TAF2: variants seen among roughly 807,000 people sequenced by gnomAD.
TAF2 encodes transcription initiation factor TFIID subunit 2.
In TAF2, 61 loss-of-function variants were observed where a neutral mutation model predicts 138.5. That is an observed-to-expected ratio of 0.44 (90% CI 0.36 to 0.54). The LOEUF is 0.54. Among genes scored for constraint, TAF2 ranks in the 20% least tolerant of loss-of-function variants. TAF2 has a pLI of 0.00. For missense variants in TAF2, 1,090 were observed against 1,427.9 expected, an observed-to-expected ratio of 0.76 and a Z score of 3.81; for synonymous variants, 475 against 469.9, an observed-to-expected ratio of 1.01 and a Z score of -0.14.
intron 25 of TAF2, among the ~76,000 whole-genome samples, chr8:119,733,369 ATG>A (rs969773461): frequency 6.6e-5 from 10 of 152,106 alleles, no homozygotes; most frequent in African/African-American, 2.4e-4. Flanking sequence ...CTCTACACAG[ATG>A]AGAGTAGTGT....
intron 2 of TAF2, among the ~76,000 whole-genome samples, chr8:119,827,571 A>G (rs924431886): frequency 6.6e-6 from 1 of 152,122 alleles, no homozygotes; most frequent in African/African-American, 2.4e-5. Flanking sequence ...GGCATGATCA[A>G]TTGCTGAAGG....
intron 2 of TAF2, among the ~76,000 whole-genome samples, chr8:119,828,484 C>A (rs936756575): frequency 6.6e-5 from 10 of 152,148 alleles, no homozygotes; most frequent in African/African-American, 2.4e-4. Flanking sequence ...TCTCAGATCC[C>A]CCCTAACAGT....
intron 18 of TAF2, among the ~76,000 whole-genome samples, chr8:119,776,493 T>C (rs1822252502): frequency 6.7e-6 from 1 of 150,090 alleles, no homozygotes; most frequent in South Asian, 2.1e-4. Context: ...CCATCCTGGC[T>C]ACCACAGTGA....
rs904662021 is a variant in TAF2 at position 119,761,284 on chromosome 8, T to C, written c.2559-546A>G. The stretch of plus-strand genomic sequence containing the variant: ...TATAGTAACATGCTTTACAGCTTTA[T>C]AGCCTAAGAGCAACAGAGCAACAGG... On this transcript the variant is annotated intron_variant, in intron 19 of 25. Transcript: ENST00000378164. Among the ~76,000 whole-genome samples, 6 of 152,202 alleles carry C rather than the reference T, an allele frequency of 3.9e-5. No individual in the cohort carries two copies. The East Asian group carries it at 9.6e-4, about 24-fold the overall frequency.
intron 16 of TAF2, among the ~76,000 whole-genome samples, chr8:119,782,222 A>G (rs78406054): frequency 6.6e-6 from 1 of 152,302 alleles, no homozygotes; most frequent in Non-Finnish European, 1.5e-5. Context: ...ATACAGTGCT[A>G]CTATTTAAGG....
At chr8:119,784,638 A>G (rs973920346) in intron 15 of TAF2, among the ~76,000 whole-genome samples, 1 of 152,220 alleles carries the variant, frequency 6.6e-6, no homozygotes, top group Non-Finnish European at 1.5e-5. Flanking sequence ...GCAAAATTAG[A>G]AAGTTTGAGC....
chr8:119,743,824 G>A (rs1819764430), intron 24 of TAF2, among the ~76,000 whole-genome samples: 2 of 152,096 alleles, frequency 1.3e-5, no homozygotes, highest in South Asian at 4.1e-4. Context: ...TTAATATATT[G>A]ACTCTATGTT....
chr8:119,750,436 A>T (rs147570241), intron 22 of TAF2, among the ~76,000 whole-genome samples: 3 of 152,360 alleles, frequency 2.0e-5, no homozygotes, highest in African/African-American at 7.2e-5. Context: ...ACACTTCTGA[A>T]TAAACCCAGC....
intron 5 of TAF2, among the ~76,000 whole-genome samples, chr8:119,803,281 C>A (rs1466217495): frequency 6.6e-6 from 1 of 152,032 alleles, no homozygotes; most frequent in Non-Finnish European, 1.5e-5. Context: ...ACATTCTGTG[C>A]AATTTTCTGT....
At chr8:119,758,184 AT>A in intron 20 of TAF2, 42 bp from the exon 21 acceptor site, 1 of 1,490,940 alleles carries the variant, frequency 6.7e-7, no homozygotes, top group Non-Finnish European at 9.3e-7. Flanking sequence ...ATTATAACAA[AT>A]TAAATAATGA....
chr8:119,757,015 A>T (rs1270690634), intron 21 of TAF2, among the ~76,000 whole-genome samples: 1 of 152,214 alleles, frequency 6.6e-6, no homozygotes, highest in Non-Finnish European at 1.5e-5. Flanking sequence ...ATTCTTATGG[A>T]GGTCAGCAAA....
chr8:119,791,567 A>G (rs1823433437), intron 10 of TAF2, 108 bp from the exon 11 acceptor site: 1 of 1,294,122 alleles, frequency 7.7e-7, no homozygotes, highest in Admixed American at 2.2e-5. Context: ...AGGAGAATAT[A>G]TAAGCAATTT....
intron 3 of TAF2, among the ~76,000 whole-genome samples, chr8:119,811,698 C>T (rs113108069): frequency 4.1e-5 from 6 of 146,448 alleles, no homozygotes; most frequent in African/African-American, 1.5e-4. Context: ...CCCAGCTACT[C>T]GGGAGGCTGA....
At position 119,792,220 on chromosome 8, in the gene TAF2, C is replaced by T. The variant is rs1291449169; in HGVS notation, c.1278-761G>A. 2.0e-5 allele frequency among the ~76,000 whole-genome samples: 3 copies of T among 148,080 alleles called. No individual in the cohort carries two copies. In the Admixed American group the frequency reaches 2.0e-4, roughly 10 times the overall value. On this transcript the variant is annotated intron_variant, in intron 10 of 25. Transcript: ENST00000378164. ...CCAGGCTGGAGTGCAGTGGCACAAT[C>T]TTGGCTCACTGCAACCTCCACCTCC...
At chr8:119,783,124 CA>C (rs1822788692) in intron 16 of TAF2, among the ~76,000 whole-genome samples, 2 of 152,130 alleles carry the variant, frequency 1.3e-5, no homozygotes, top group Non-Finnish European at 2.9e-5. Flanking sequence ...GGCAATTCAA[CA>C]AAATGGTGAA....
At chr8:119,771,364 T>C (rs1045440501) in intron 18 of TAF2, among the ~76,000 whole-genome samples, 5 of 151,836 alleles carry the variant, frequency 3.3e-5, no homozygotes, top group African/African-American at 1.2e-4. Flanking sequence ...GCCTCCTGAG[T>C]AGCTGGGATT....
At chr8:119,786,803 T>G (rs562485095) in intron 14 of TAF2, among the ~76,000 whole-genome samples, 10 of 152,152 alleles carry the variant, frequency 6.6e-5, no homozygotes, top group African/African-American at 2.4e-4. Context: ...GCACCTGTAA[T>G]CCCTGCTACT....
chr8:119,797,151 C>G (rs776517249), intron 7 of TAF2, 48 bp from the exon 8 acceptor site: 2 of 1,264,722 alleles, frequency 1.6e-6, no homozygotes, highest in Non-Finnish European at 2.3e-6. Context: ...GAAATAAATA[C>G]TTATTCAGTG....
chr8:119,799,057 T>C (rs184961770), intron 6 of TAF2, among the ~76,000 whole-genome samples: 269 of 152,318 alleles, frequency 1.8e-3, no homozygotes, highest in African/African-American at 5.9e-3. Flanking sequence ...AATTCTTGAC[T>C]ATCATTTGCC....
Sources: allele counts gnomAD v4.1 joint callset (sites outside exome capture counted in the v4.1 genomes callset), GRCh38; gene constraint gnomAD v4.1.1; transcripts MANE v1.5; gene names NCBI Gene and HGNC (gene_info 2026-07-23, HGNC 2026-07-21).